The following EDA2R variants were observed in gnomAD, a reference collection of about 807,000 sequenced individuals.
EDA2R encodes the protein ectodysplasin A2 receptor, also known as tumor necrosis factor receptor superfamily member 27.
EDA2R carries 26 observed loss-of-function variants against 20.1 expected under a neutral mutation model. The ratio of observed to expected loss-of-function variants is 1.30; its 90% CI spans 0.95 to 1.80. EDA2R has a LOEUF of 1.80. Ranked by LOEUF, EDA2R falls within the 40% of genes most tolerant of loss-of-function variation. EDA2R has a pLI of 0.00. For synonymous variants in EDA2R, 114 were observed against 88.7 expected (o/e 1.29, Z -1.60); for missense variants, 277 against 228.7 (o/e 1.21, Z -1.36).
chrX:66,605,108 C>T lies in EDA2R; in HGVS notation c.206G>A (p.Arg69His), dbSNP rs917302109. 1.2e-5 allele frequency: 15 copies of T among 1,207,458 alleles called. No homozygotes were observed. The highest frequency in any genetic ancestry group is 8.8e-5 in the Admixed American group (4 of 45,563). ...QSCITCAVINRVQKVNCTATS... is the reference protein window; with the variant it reads ...QSCITCAVINHVQKVNCTATS... ...AGCTGTGCAGTTGACCTTCTGAACACGATTGATGACAGCACAGGTGATGCA... is the reference window on the plus strand; with the variant it reads ...AGCTGTGCAGTTGACCTTCTGAACATGATTGATGACAGCACAGGTGATGCA... The change falls in exon 3 of 7, where the codon CGT becomes CAT. Residue 69 changes from arginine (R) to histidine (H), a missense_variant. Transcript: ENST00000374719.
At chrX:66,630,684 T>C (rs756832910) in intron 1 of EDA2R, among the ~76,000 whole-genome samples, 37 of 110,070 alleles carry the variant, frequency 3.4e-4, no homozygotes, top group Non-Finnish European at 6.7e-4. Context: ...CAAAAATAAA[T>C]AAAAACAGTA....
chrX:66,618,250 G>A (rs776634830), intron 1 of EDA2R, among the ~76,000 whole-genome samples: 3 of 111,282 alleles, frequency 2.7e-5, no homozygotes, highest in Non-Finnish European at 5.7e-5. Context: ...TTCATTCGAC[G>A]CTTAACAAAT....
intron 5 of EDA2R, 150 bp from the exon 6 acceptor site, chrX:66,600,010 G>T (rs972566759): frequency 8.8e-7 from 1 of 1,142,101 alleles, no homozygotes; most frequent in Admixed American, 2.7e-5. Context: ...GCACCAGGCT[G>T]AGGTGACACA....
At chrX:66,629,225 G>A (rs1933460113) in intron 1 of EDA2R, among the ~76,000 whole-genome samples, 1 of 111,490 alleles carries the variant, frequency 9.0e-6, no homozygotes, top group Non-Finnish European at 1.9e-5. Context: ...CAAACCCATA[G>A]CCAACATAAT....
chrX:66,629,694 G>A (rs950822135), intron 1 of EDA2R, among the ~76,000 whole-genome samples: 16 of 111,472 alleles, frequency 1.4e-4, no homozygotes, highest in Non-Finnish European at 9.4e-5. Flanking sequence ...AATCATAGAC[G>A]ATACAAACAA....
chrX:66,633,492 G>A (rs1934037816), intron 1 of EDA2R, among the ~76,000 whole-genome samples: 1 of 111,517 alleles, frequency 9.0e-6, no homozygotes, highest in South Asian at 3.8e-4. Context: ...ATGTTCAAGG[G>A]TAAAATGAGA....
chrX:66,615,994 C>A lies in EDA2R; in HGVS notation c.27G>T (p.Trp9Cys). Reference protein sequence around the residue: MDCQENEYWDQWGRCVTCQ... With the variant: MDCQENEYCDQWGRCVTCQ... ...AGGTGACACACCGTCCCCATTGGTC[C>A]CAGTACTCATTTTCTTGGCAATCCA... The change falls in exon 2 of 7, where the codon TGG becomes TGT. Residue 9 changes from tryptophan to cysteine, a missense_variant. Coordinates refer to ENST00000374719, the MANE Select transcript of EDA2R (RefSeq NM_021783.5). 1 of 1,209,803 alleles carries A rather than the reference C, an allele frequency of 8.3e-7. No homozygotes were observed. Among genetic ancestry groups the A allele is most frequent in the Non-Finnish European group, 1.1e-6 (1 of 894,237 alleles).
intron 4 of EDA2R, among the ~76,000 whole-genome samples, chrX:66,603,735 G>A (rs1929083631): frequency 8.9e-6 from 1 of 112,202 alleles, no homozygotes; most frequent in African/African-American, 3.2e-5. Flanking sequence ...AGGACTCTGA[G>A]AGAATCTAGA....
intron 5 of EDA2R, among the ~76,000 whole-genome samples, chrX:66,601,063 GAA>G (rs1330216878): frequency 9.0e-6 from 1 of 111,612 alleles, no homozygotes; most frequent in Non-Finnish European, 1.9e-5. Context: ...AGTGACTCCT[GAA>G]AAACAGTTTT....
intron 1 of EDA2R, among the ~76,000 whole-genome samples, chrX:66,633,498 T>C (rs1934038226): frequency 9.0e-6 from 1 of 110,610 alleles, no homozygotes; most frequent in African/African-American, 3.3e-5. Context: ...AAGGGTAAAA[T>C]GAGATAATGT....
Position 66,600,924 on chromosome X carries a change from C to T in EDA2R, c.518-1064G>A, listed in dbSNP as rs1928471196. Among the ~76,000 whole-genome samples, 3 of 112,127 alleles carry T rather than the reference C, an allele frequency of 2.7e-5. No individual in the cohort carries two copies. The South Asian group carries it at 1.1e-3, about 42-fold the overall frequency. On this transcript the variant is annotated intron_variant, in intron 5 of 6. Coordinates refer to ENST00000374719, the MANE Select transcript of EDA2R (RefSeq NM_021783.5). ...TCCATATGGTTACAAACAGCTGGATCCAAGTAGTGGGATTCCCCTTTAGAT... is the reference window on the plus strand; with the variant it reads ...TCCATATGGTTACAAACAGCTGGATTCAAGTAGTGGGATTCCCCTTTAGAT...
chrX:66,614,584 G>A (rs1228461285), intron 2 of EDA2R, among the ~76,000 whole-genome samples: 1 of 111,837 alleles, frequency 8.9e-6, no homozygotes, highest in Non-Finnish European at 1.9e-5. Context: ...CTTGGTACTG[G>A]GATCCTTTAT....
At chrX:66,603,090 T>TA (rs762067659) in intron 4 of EDA2R, among the ~76,000 whole-genome samples, 4 of 111,764 alleles carry the variant, frequency 3.6e-5, no homozygotes, top group Admixed American at 1.9e-4. Context: ...GGAAACAAGC[T>TA]AAAAAATTCA....
At chrX:66,619,663 G>T (rs749599162) in intron 1 of EDA2R, among the ~76,000 whole-genome samples, 1 of 111,262 alleles carries the variant, frequency 9.0e-6, no homozygotes, top group East Asian at 2.8e-4. Flanking sequence ...ATGAGGTTCT[G>T]ATTCTGCTAA....
At chrX:66,620,617 C>T (rs1932440360) in intron 1 of EDA2R, among the ~76,000 whole-genome samples, 1 of 110,695 alleles carries the variant, frequency 9.0e-6, no homozygotes, top group African/African-American at 3.3e-5. Flanking sequence ...ACAACAAAAG[C>T]ACAAGCAACA....
At chrX:66,632,098 C>T (rs981204329) in intron 1 of EDA2R, among the ~76,000 whole-genome samples, 2 of 111,501 alleles carry the variant, frequency 1.8e-5, no homozygotes, top group African/African-American at 6.5e-5. Context: ...AACCACTGGC[C>T]GAAGTAAATC....
intron 1 of EDA2R, among the ~76,000 whole-genome samples, chrX:66,631,025 A>G (rs1384217555): frequency 7.3e-5 from 8 of 109,652 alleles, no homozygotes; most frequent in African/African-American, 2.6e-4. Flanking sequence ...ATATACATAT[A>G]CACACACATG....
chrX:66,638,450 T>A lies in EDA2R; in HGVS notation c.-11+545A>T, dbSNP rs770675501. ...GGCCAGTGTTTGGAGTGAGGCAGGA[T>A]CAAAATAACACTGCCCGGGGCTCAG... On this transcript the variant is annotated intron_variant, in intron 1 of 6. Coordinates refer to ENST00000374719, the MANE Select transcript of EDA2R (RefSeq NM_021783.5). Among the ~76,000 whole-genome samples, 100 of 110,722 alleles carry A rather than the reference T, an allele frequency of 9.0e-4. 2 individuals carry two copies. In the South Asian group the frequency reaches 0.014, roughly 15 times the overall value.
chrX:66,630,153 A>G (rs1933581272), intron 1 of EDA2R, among the ~76,000 whole-genome samples: 1 of 111,754 alleles, frequency 8.9e-6, no homozygotes. Flanking sequence ...GGAGAACGAA[A>G]CTGGAATGTC....
Sources: gnomAD v4.1 joint callset for allele counts (sites outside exome capture counted in the v4.1 genomes callset) on GRCh38, gnomAD v4.1.1 for gene constraint, MANE v1.5 for transcripts, NCBI Gene and HGNC (gene_info 2026-07-23, HGNC 2026-07-21) for gene names.